NPFFR1: variants seen among roughly 807,000 people sequenced by gnomAD.
NPFFR1 encodes the protein G-protein coupled receptor 147.
In NPFFR1, 17 loss-of-function variants were observed where a neutral mutation model predicts 12.7. That is an observed-to-expected ratio of 1.34 (90% CI 0.92 to 2.01). The LOEUF is 2.01. NPFFR1 is among the 30% of genes most tolerant of loss of function. The pLI is 0.00. For synonymous variants in NPFFR1, 296 were observed against 264.5 expected (o/e 1.12, Z -1.16); for missense variants, 604 against 606.5 (o/e 1.00, Z 0.04).
At chr10:70,262,643 AT>A (rs1840646059) in intron 2 of NPFFR1, among the ~76,000 whole-genome samples, 1 of 152,268 alleles carries the variant, frequency 6.6e-6, no homozygotes, top group African/African-American at 2.4e-5. Flanking sequence ...TGAAGTTACC[AT>A]TAAGGAAGAG....
chr10:70,247,391 A>T lies in NPFFR1; in HGVS notation c.*7566T>A, dbSNP rs1232647548. 1 of 152,250 alleles carries T rather than the reference A, an allele frequency of 6.6e-6. No individual in the cohort carries two copies. The highest frequency in any genetic ancestry group is 1.5e-5 in the Non-Finnish European group (1 of 68,046). 9.4% of individuals were successfully genotyped at this position (152,250 alleles called of 1,614,324 possible). ...TAGGTAACAGAATCATTTTGCAAAG[A>T]CACGGACTAGAGAAGAATAAAAGAG... On this transcript the variant is annotated 3_prime_UTR_variant, in exon 4 of 4. Coordinates refer to ENST00000277942, the MANE Select transcript of NPFFR1 (RefSeq NM_022146.5).
At chr10:70,260,410 A>C (rs1442043890) in intron 3 of NPFFR1, among the ~76,000 whole-genome samples, 1 of 152,130 alleles carries the variant, frequency 6.6e-6, no homozygotes, top group Non-Finnish European at 1.5e-5. Context: ...AAAGCCAACC[A>C]AGGCTACCTT....
intron 1 of NPFFR1, among the ~76,000 whole-genome samples, chr10:70,278,949 TA>T (rs1840832310): frequency 6.6e-6 from 1 of 152,230 alleles, no homozygotes; most frequent in Non-Finnish European, 1.5e-5. Flanking sequence ...TTTTTAGATT[TA>T]AAATAAGTTT....
chr10:70,275,704 A>G (rs577856819), intron 1 of NPFFR1, among the ~76,000 whole-genome samples: 22 of 152,252 alleles, frequency 1.4e-4, no homozygotes, highest in Non-Finnish European at 2.4e-4. Context: ...TGATTAATGT[A>G]TGTTGATAAG....
At chr10:70,265,786 A>G (rs1168026120) in intron 2 of NPFFR1, among the ~76,000 whole-genome samples, 1 of 152,226 alleles carries the variant, frequency 6.6e-6, no homozygotes, top group East Asian at 1.9e-4. Context: ...CTCTTCCATA[A>G]AATGGGGAGG....
At chr10:70,273,568 T>A (rs1840771400) in intron 1 of NPFFR1, among the ~76,000 whole-genome samples, 1 of 152,182 alleles carries the variant, frequency 6.6e-6, no homozygotes, top group African/African-American at 2.4e-5. Flanking sequence ...TCACCCTGCA[T>A]CCATGAGCCC....
At chr10:70,282,950 A>G (rs1247035910) in intron 1 of NPFFR1, among the ~76,000 whole-genome samples, 1 of 152,160 alleles carries the variant, frequency 6.6e-6, no homozygotes, top group African/African-American at 2.4e-5. Flanking sequence ...AATTCTCTCT[A>G]CATGGAGGAT....
chr10:70,258,570 C>T (rs1167598287), intron 3 of NPFFR1, among the ~76,000 whole-genome samples: 2 of 152,142 alleles, frequency 1.3e-5, no homozygotes, highest in Non-Finnish European at 2.9e-5. Flanking sequence ...CATAGTATGA[C>T]CTACTCTGTT....
At chr10:70,260,812 G>C (rs1840625891) in intron 2 of NPFFR1, 73 bp from the exon 3 acceptor site, 1 of 1,297,160 alleles carries the variant, frequency 7.7e-7, no homozygotes, top group African/African-American at 1.5e-5. Context: ...AGCCCTCCAA[G>C]CCAGGTCCCC....
intron 1 of NPFFR1, among the ~76,000 whole-genome samples, chr10:70,280,310 C>G (rs1840846914): frequency 6.6e-6 from 1 of 152,236 alleles, no homozygotes; most frequent in Non-Finnish European, 1.5e-5. Context: ...ATACTATTCT[C>G]CATAATGACT....
chr10:70,276,584 CTTTTTTTTT>C (rs57759018), intron 1 of NPFFR1, among the ~76,000 whole-genome samples: 2 of 117,340 alleles, frequency 1.7e-5, no homozygotes, highest in Non-Finnish European at 3.4e-5. Flanking sequence ...ATGTTTGTAT[CTTTTTTTTT>C]TTTTTTTTTT....
chr10:70,262,438 T>G (rs770675192), intron 2 of NPFFR1, among the ~76,000 whole-genome samples: 9 of 152,230 alleles, frequency 5.9e-5, no homozygotes, highest in Non-Finnish European at 1.3e-4. Context: ...ATACAAATTC[T>G]GTACTGTCAT....
chr10:70,277,145 A>G (rs1564597818), intron 1 of NPFFR1, among the ~76,000 whole-genome samples: 1 of 152,182 alleles, frequency 6.6e-6, no homozygotes, highest in African/African-American at 2.4e-5. Context: ...CCAGGCCTAC[A>G]CCCATCTGGC....
rs1840473486 is a variant in NPFFR1, at chr10:70,248,467, G to GTTTTTTGTTTT, written c.*6489_*6490insAAAACAAAAAA. Reference sequence around the variant, plus strand: ...CAAAGTACGTAGTACTATGCCTGGCGTTTTTTTTTTGTTTTTTGTTTTTTT... The same window carrying GTTTTTTGTTTT: ...CAAAGTACGTAGTACTATGCCTGGCGTTTTTTGTTTTTTTTTTTTTTGTTTTTTGTTTTTTT... On this transcript the variant is annotated 3_prime_UTR_variant, in exon 4 of 4. Transcript: ENST00000277942. 3.1e-5 allele frequency: 3 copies of GTTTTTTGTTTT among 96,742 alleles called. No individual in the cohort carries two copies. The highest frequency in any genetic ancestry group is 1.2e-4 in the African/African-American group (3 of 24,706). 6.0% of individuals were successfully genotyped at this position (96,742 alleles called of 1,614,324 possible).
rs1001694696 is a variant in NPFFR1, at chr10:70,254,433, C to G, written c.*524G>C. The stretch of plus-strand genomic sequence containing the variant: ...GGCTTCAGTAACGGAACATGAGGGA[C>G]TCCCTCACATGGACACAAAGCATCA... On this transcript the variant is annotated 3_prime_UTR_variant, in exon 4 of 4. Coordinates refer to ENST00000277942, the MANE Select transcript of NPFFR1 (RefSeq NM_022146.5). 6.5e-6 allele frequency: 1 copy of G among 152,806 alleles called. No individual in the cohort carries two copies. Among genetic ancestry groups the G allele is most frequent in the Non-Finnish European group, 1.5e-5 (1 of 68,472 alleles). 9.5% of individuals were successfully genotyped at this position (152,806 alleles called of 1,614,324 possible).
intron 3 of NPFFR1, among the ~76,000 whole-genome samples, chr10:70,259,460 A>G (rs1840612220): frequency 6.6e-6 from 1 of 152,038 alleles, no homozygotes; most frequent in African/African-American, 2.4e-5. Context: ...TACTGCAAAC[A>G]CCACTGGGAG....
chr10:70,262,408 A>G (rs138735181), intron 2 of NPFFR1, among the ~76,000 whole-genome samples: 2 of 152,344 alleles, frequency 1.3e-5, no homozygotes, highest in African/African-American at 2.4e-5. Flanking sequence ...ACTGTATACT[A>G]TAACAGCAAA....
At chr10:70,277,720 C>CT (rs1054305613) in intron 1 of NPFFR1, among the ~76,000 whole-genome samples, 4 of 152,080 alleles carry the variant, frequency 2.6e-5, no homozygotes, top group Non-Finnish European at 5.9e-5. Context: ...GTGGAGGCCC[C>CT]TGGGGGCTCC....
chr10:70,260,856 G>T, intron 2 of NPFFR1, 117 bp from the exon 3 acceptor site: 2 of 809,840 alleles, frequency 2.5e-6, no homozygotes, highest in Non-Finnish European at 4.1e-6. Flanking sequence ...TGACCTGCTA[G>T]GTGTTATCTG....
Sources: gnomAD v4.1 joint callset for allele counts (sites outside exome capture counted in the v4.1 genomes callset) on GRCh38, gnomAD v4.1.1 for gene constraint, MANE v1.5 for transcripts, NCBI Gene and HGNC (gene_info 2026-07-23, HGNC 2026-07-21) for gene names.